Variants in ADGRG6 observed in about 807,000 individuals in gnomAD.
The protein encoded by ADGRG6 is adhesion G protein-coupled receptor G6, also known as G-protein coupled receptor 126.
Under a neutral mutation model 142.4 loss-of-function variants are expected in ADGRG6, and 84 were observed. That is an observed-to-expected ratio of 0.59 (90% CI 0.49 to 0.71). The LOEUF (loss-of-function observed/expected upper bound fraction) is 0.71. Ranked by LOEUF, ADGRG6 falls within the 30% of genes least tolerant of loss-of-function variation. The pLI, the probability that ADGRG6 is intolerant of heterozygous loss-of-function variation, is 0.00. For synonymous variants in ADGRG6, 521 were observed against 520.5 expected (o/e 1.00, Z -0.01); for missense variants, 1,367 against 1,466.6 (o/e 0.93, Z 1.11).
chr6:142,310,239 A>G (rs753864260), intron 2 of ADGRG6, among the ~76,000 whole-genome samples: 1 of 151,862 alleles, frequency 6.6e-6, no homozygotes, highest in Non-Finnish European at 1.5e-5. Flanking sequence ...TGAAAAAACT[A>G]AATTTTCTGT....
At chr6:142,425,429 AC>A (rs1776892237) in intron 22 of ADGRG6, among the ~76,000 whole-genome samples, 1 of 152,198 alleles carries the variant, frequency 6.6e-6, no homozygotes, top group Non-Finnish European at 1.5e-5. Context: ...TTAAACTCTT[AC>A]TTTTCTAGAA....
rs9399403 is a variant in ADGRG6 at position 142,433,733 on chromosome 6, A to C, written c.3320-3701A>C. Among the ~76,000 whole-genome samples the C allele has an allele frequency of 7.2e-4, 110 of 152,266 alleles. 2 individuals are homozygous for C. In the East Asian group the frequency reaches 0.016, roughly 22 times the overall value. On this transcript the variant is annotated intron_variant, in intron 22 of 24. Coordinates refer to ENST00000367609, the MANE Select transcript of ADGRG6 (RefSeq NM_198569.3). ...CTTTCTAAATAATTGAAATTGATTG[A>C]TATTTATTAATGCTTTTCTTTTGTT...
chr6:142,391,465 A>G (rs1455370731), intron 7 of ADGRG6, among the ~76,000 whole-genome samples: 1 of 151,414 alleles, frequency 6.6e-6, no homozygotes, highest in Non-Finnish European at 1.5e-5. Context: ...ACACACACAC[A>G]CACACACACA....
chr6:142,425,997 C>CT (rs1776923469), intron 22 of ADGRG6, among the ~76,000 whole-genome samples: 1 of 152,140 alleles, frequency 6.6e-6, no homozygotes, highest in Admixed American at 6.5e-5. Context: ...TGGGTTCCTC[C>CT]CATGATGTGT....
At chr6:142,348,030 A>G (rs1379882179) in intron 2 of ADGRG6, among the ~76,000 whole-genome samples, 3 of 152,182 alleles carry the variant, frequency 2.0e-5, no homozygotes, top group Non-Finnish European at 2.9e-5. Context: ...CATTTTAAGT[A>G]TCATAATCAA....
At chr6:142,371,764 C>T (rs1358756829) in intron 4 of ADGRG6, among the ~76,000 whole-genome samples, 1 of 152,062 alleles carries the variant, frequency 6.6e-6, no homozygotes, top group African/African-American at 2.4e-5. Flanking sequence ...GGATTACAGG[C>T]ATGAGCCACC....
intron 17 of ADGRG6, among the ~76,000 whole-genome samples, chr6:142,410,647 C>G (rs1376406682): frequency 6.6e-6 from 1 of 152,002 alleles, no homozygotes; most frequent in Non-Finnish European, 1.5e-5. Flanking sequence ...TAGTTCTTGT[C>G]ACAGCAAGAC....
At chr6:142,393,494 T>G (rs1383557240) in intron 8 of ADGRG6, among the ~76,000 whole-genome samples, 1 of 152,156 alleles carries the variant, frequency 6.6e-6, no homozygotes, top group African/African-American at 2.4e-5. Context: ...TATATCCTCC[T>G]GTGTACCTTG....
chr6:142,411,134 T>C (rs558366987), intron 17 of ADGRG6, among the ~76,000 whole-genome samples, 171 bp from the exon 18 acceptor site: 1 of 152,296 alleles, frequency 6.6e-6, no homozygotes, highest in African/African-American at 2.4e-5. Flanking sequence ...TTGATTATTC[T>C]AGGAATCCAA....
chr6:142,342,042 T>C (rs1779683671), intron 2 of ADGRG6, among the ~76,000 whole-genome samples: 1 of 152,062 alleles, frequency 6.6e-6, no homozygotes, highest in Non-Finnish European at 1.5e-5. Flanking sequence ...AGTTTACCTC[T>C]TAAAATGCCC....
intron 4 of ADGRG6, among the ~76,000 whole-genome samples, chr6:142,378,655 C>T (rs1781608982): frequency 6.6e-6 from 1 of 152,192 alleles, no homozygotes; most frequent in South Asian, 2.1e-4. Context: ...CCCCCTTCCT[C>T]TCTCTGCTTC....
Position 142,417,381 on chromosome 6 carries a change from A to G in ADGRG6, c.3035+12A>G. 1 of 1,274,466 alleles carries G rather than the reference A, an allele frequency of 7.8e-7. No homozygotes were observed. The highest frequency in any genetic ancestry group is 1.1e-6 in the Non-Finnish European group (1 of 879,012). 78.9% of individuals were successfully genotyped at this position (1,274,466 alleles called of 1,614,324 possible). ...AAAGGTGATGAATTGTAAGTAATAA[A>G]AACTTTTTGTGATGAGTAGATATCC... On this transcript the variant is annotated intron_variant, in intron 21 of 24. Transcript: ENST00000367609.
intron 22 of ADGRG6, among the ~76,000 whole-genome samples, chr6:142,432,030 C>T (rs757547666): frequency 3.3e-5 from 5 of 152,196 alleles, no homozygotes; most frequent in African/African-American, 9.6e-5. Flanking sequence ...CTTCTGACAC[C>T]GAGATCTATA....
chr6:142,441,871 G>A (rs1239872351), intron 24 of ADGRG6, among the ~76,000 whole-genome samples: 4 of 152,124 alleles, frequency 2.6e-5, no homozygotes, highest in African/African-American at 4.8e-5. Flanking sequence ...TTTCCTTGCC[G>A]ACATTGGAAA....
rs147546504 is a variant in ADGRG6 at position 142,445,219 on chromosome 6, T to G, written c.*1704T>G. On this transcript the variant is annotated 3_prime_UTR_variant, in exon 25 of 25. Transcript: ENST00000367609. ...AGACAAGAGCATTACCCAGCTTGGC[T>G]TTCACGGGGGAGGGTTGTATTCAGT... 1 of 152,238 alleles carries G rather than the reference T, an allele frequency of 6.6e-6. No individual in the cohort carries two copies. The highest frequency in any genetic ancestry group is 1.9e-4 in the East Asian group (1 of 5,174). 9.4% of individuals were successfully genotyped at this position (152,238 alleles called of 1,614,324 possible). A position where few individuals can be genotyped will look rare whatever the true frequency, so the allele number is the denominator to read the frequency against.
intron 4 of ADGRG6, among the ~76,000 whole-genome samples, chr6:142,378,864 C>G (rs1276067462): frequency 1.3e-5 from 2 of 152,184 alleles, no homozygotes; most frequent in African/African-American, 4.8e-5. Context: ...ATTAAACTTT[C>G]TTCTCTTAAA....
intron 2 of ADGRG6, among the ~76,000 whole-genome samples, chr6:142,333,605 C>T (rs1297243255): frequency 6.6e-6 from 1 of 152,114 alleles, no homozygotes; most frequent in Admixed American, 6.5e-5. Context: ...CTGCCTTGGC[C>T]ACCAAAAATG....
chr6:142,381,831 A>G (rs1781784403), intron 4 of ADGRG6, 120 bp from the exon 5 acceptor site: 3 of 543,564 alleles, frequency 5.5e-6, no homozygotes, highest in African/African-American at 1.9e-5. Flanking sequence ...CTTTCTTGAT[A>G]TCAAAGAATT....
chr6:142,373,952 GC>G (rs987671703), intron 4 of ADGRG6, among the ~76,000 whole-genome samples: 5 of 148,160 alleles, frequency 3.4e-5, no homozygotes. Context: ...AAACTCCTGG[GC>G]TAAAGCAATC....
Sources: allele counts gnomAD v4.1 joint callset (sites outside exome capture counted in the v4.1 genomes callset), GRCh38; gene constraint gnomAD v4.1.1; transcripts MANE v1.5; gene names NCBI Gene and HGNC (gene_info 2026-07-23, HGNC 2026-07-21).